The following DOCK5 variants were observed in gnomAD, a reference collection of about 807,000 sequenced individuals.
DOCK5 encodes the protein dedicator of cytokinesis 5.
DOCK5 carries 142 observed loss-of-function variants against 251.8 expected under a neutral mutation model. That is an observed-to-expected ratio of 0.56 (90% confidence interval 0.49 to 0.65). The LOEUF (loss-of-function observed/expected upper bound fraction) is 0.65. DOCK5 is among the 30% of genes least tolerant of loss of function. DOCK5 has a pLI of 0.00. For missense variants in DOCK5, 2,111 were observed against 2,312.3 expected, an observed-to-expected ratio of 0.91 and a Z score of 1.79; for synonymous variants, 842 against 835.5, an observed-to-expected ratio of 1.01 and a Z score of -0.13.
chr8:25,272,949 C>T (rs919945366), intron 3 of DOCK5, among the ~76,000 whole-genome samples: 1 of 152,116 alleles, frequency 6.6e-6, no homozygotes, highest in African/African-American at 2.4e-5. Context: ...TAAGTGGAGC[C>T]GTACAGTATT....
intron 2 of DOCK5, among the ~76,000 whole-genome samples, chr8:25,254,472 A>AT (rs1484381419): frequency 6.6e-6 from 1 of 152,086 alleles, no homozygotes; most frequent in Non-Finnish European, 1.5e-5. Flanking sequence ...ATGGAAGAAA[A>AT]TTTTGTAAAA....
intron 11 of DOCK5, among the ~76,000 whole-genome samples, chr8:25,307,778 C>T (rs1359328304): frequency 6.6e-6 from 1 of 152,174 alleles, no homozygotes; most frequent in Non-Finnish European, 1.5e-5. Flanking sequence ...CATTACTGCT[C>T]ACTGTGCAGC....
chr8:25,388,914 G>A (rs534013818), intron 40 of DOCK5, 177 bp from the exon 41 acceptor site: 139 of 597,018 alleles, frequency 2.3e-4, no homozygotes, highest in Non-Finnish European at 1.3e-4. Context: ...CCAATAAACC[G>A]CAGCTCTTGT....
chr8:25,255,669 C>T (rs991317762), intron 2 of DOCK5, among the ~76,000 whole-genome samples: 2 of 152,094 alleles, frequency 1.3e-5, no homozygotes, highest in African/African-American at 2.4e-5. Flanking sequence ...CCCAATGTAA[C>T]CTATGGACTT....
intron 1 of DOCK5, among the ~76,000 whole-genome samples, chr8:25,202,745 G>A (rs1017867985): frequency 6.6e-6 from 1 of 152,106 alleles, no homozygotes; most frequent in African/African-American, 2.4e-5. Context: ...CACAGTAAGA[G>A]GTTATCAACA....
intron 28 of DOCK5, among the ~76,000 whole-genome samples, chr8:25,360,132 T>C (rs1056311491): frequency 2.6e-5 from 4 of 152,248 alleles, no homozygotes; most frequent in African/African-American, 9.6e-5. Context: ...GCCTCTGTCA[T>C]GCTGAGTAGA....
rs1205742405 is a variant in DOCK5 at position 25,411,861 on chromosome 8, G to C, written c.*563G>C. ...AGGAAAAGAACACACATTTTTAATGGAGATTGGCTGCTTTCAGGTATGTGT... is the reference window on the plus strand; with the variant it reads ...AGGAAAAGAACACACATTTTTAATGCAGATTGGCTGCTTTCAGGTATGTGT... On this transcript the variant is annotated 3_prime_UTR_variant, in exon 52 of 52. Coordinates refer to ENST00000276440, the MANE Select transcript of DOCK5 (RefSeq NM_024940.8). 1 of 152,074 alleles carries C rather than the reference G, an allele frequency of 6.6e-6. No homozygotes were observed. Among genetic ancestry groups the C allele is most frequent in the African/African-American group, 2.4e-5 (1 of 41,390 alleles). The allele number at this position is 152,074 out of a possible 1,614,324, so 9.4% of individuals were successfully genotyped here.
intron 1 of DOCK5, among the ~76,000 whole-genome samples, chr8:25,236,594 T>C (rs1490923769): frequency 2.0e-5 from 3 of 152,134 alleles, no homozygotes; most frequent in Non-Finnish European, 4.4e-5. Context: ...TTTTTTATTT[T>C]TTTTGAAACA....
intron 26 of DOCK5, among the ~76,000 whole-genome samples, chr8:25,349,507 T>C (rs909743688): frequency 1.3e-5 from 2 of 152,200 alleles, no homozygotes; most frequent in African/African-American, 2.4e-5. Context: ...AGCAAAGATA[T>C]GAAACCCATC....
chr8:25,217,403 G>C (rs1802276139), intron 1 of DOCK5, among the ~76,000 whole-genome samples: 1 of 152,044 alleles, frequency 6.6e-6, no homozygotes, highest in Non-Finnish European at 1.5e-5. Flanking sequence ...GGGAACTGAA[G>C]TTAGGGGTTT....
At position 25,259,247 on chromosome 8, in the gene DOCK5, C is replaced by T. The variant is rs535096922; in HGVS notation, c.128-9598C>T. 2.4e-3 allele frequency among the ~76,000 whole-genome samples: 368 copies of T among 152,276 alleles called. 5 individuals are homozygous for T. The highest frequency in any genetic ancestry group is 0.021 in the Admixed American group (314 of 15,294). On this transcript the variant is annotated intron_variant, in intron 2 of 51. Coordinates refer to ENST00000276440, the MANE Select transcript of DOCK5 (RefSeq NM_024940.8). ...TGATAGAATTCCATGGCCAAGCTCACCTGACCTGAGGGGTGGCGCATTGAG... is the reference window on the plus strand; with the variant it reads ...TGATAGAATTCCATGGCCAAGCTCATCTGACCTGAGGGGTGGCGCATTGAG...
At chr8:25,243,865 A>C in intron 2 of DOCK5, 108 bp downstream of exon 2, 2 of 1,065,432 alleles carry the variant, frequency 1.9e-6, no homozygotes, top group Middle Eastern at 4.1e-4. Flanking sequence ...TTCCTGAAAC[A>C]GTGCTAGTAA....
At chr8:25,360,813 G>T (rs1800664325) in intron 28 of DOCK5, among the ~76,000 whole-genome samples, 1 of 152,068 alleles carries the variant, frequency 6.6e-6, no homozygotes, top group South Asian at 2.1e-4. Context: ...TCAGAGAGCA[G>T]GCAAAATAGG....
In DOCK5 at chr8:25,392,445, C is replaced by G. The variant is rs191348545; in HGVS notation, c.4441-351C>G. Among the ~76,000 whole-genome samples the G allele has an allele frequency of 4.6e-5, 7 of 152,288 alleles. No homozygotes were observed. In the East Asian group the frequency reaches 1.2e-3, roughly 25 times the overall value. ...TTACCTAGACAGCAAGTACTAATTACCTAGACAGCCAGCTGTCATCTCCAT... is the reference window on the plus strand; with the variant it reads ...TTACCTAGACAGCAAGTACTAATTAGCTAGACAGCCAGCTGTCATCTCCAT... On this transcript the variant is annotated intron_variant, in intron 43 of 51. Transcript: ENST00000276440.
rs137948132 is a variant in DOCK5 at position 25,308,828 on chromosome 8, G to A, written c.1095G>A (p.Ser365=). The A allele has an allele frequency of 4.0e-5, 64 of 1,613,730 alleles. No individual in the cohort carries two copies. The highest frequency in any genetic ancestry group is 2.9e-4 in the African/African-American group (22 of 74,900). Reference sequence around the variant, plus strand: ...TCCGCCAGAGGCAGCTCATCATGTCGCCTTTGATAACATCACACGTGATTG... The same window carrying A: ...TCCGCCAGAGGCAGCTCATCATGTCACCTTTGATAACATCACACGTGATTG... ...TYIRQRQLIM[S]PLITSHVIGE... The change falls in exon 12 of 52, where the codon TCG becomes TCA. Residue 365 remains serine (S), a synonymous_variant. Transcript: ENST00000276440.
chr8:25,247,030 G>A (rs1803135056), intron 2 of DOCK5, among the ~76,000 whole-genome samples: 1 of 151,838 alleles, frequency 6.6e-6, no homozygotes, highest in Admixed American at 6.6e-5. Context: ...GGGATTATAG[G>A]CATGTGCCAC....
chr8:25,268,927 T>C (rs753628706), intron 3 of DOCK5, 42 bp downstream of exon 3: 1 of 1,497,474 alleles, frequency 6.7e-7, no homozygotes, highest in Non-Finnish European at 9.0e-7. Flanking sequence ...TTGAAATCTG[T>C]CTGCTAGTTT....
rs763674372 is a variant in DOCK5, at chr8:25,410,187, G to A, written c.5493G>A (p.Gln1831=). The A allele has an allele frequency of 6.2e-7, 1 of 1,613,560 alleles. No individual in the cohort carries two copies. Among genetic ancestry groups the A allele is most frequent in the South Asian group, 1.1e-5 (1 of 91,000 alleles). ...PPKSKPYEGS[Q]RNSTELAPPL... ...AAAGCAAGCCCTATGAAGGCAGCCAGAGGAACTCCACTGAGGTAGGGAAAT... is the reference window on the plus strand; with the variant it reads ...AAAGCAAGCCCTATGAAGGCAGCCAAAGGAACTCCACTGAGGTAGGGAAAT... Residue 1831 remains glutamine, a synonymous_variant, in exon 51 of 52, where the codon CAG becomes CAA. Transcript: ENST00000276440.
intron 31 of DOCK5, among the ~76,000 whole-genome samples, chr8:25,367,817 G>C (rs1466735165): frequency 1.3e-5 from 2 of 152,134 alleles, no homozygotes; most frequent in Admixed American, 1.3e-4. Flanking sequence ...AAGTATATAA[G>C]TATTTAGTCA....
Sources: allele counts gnomAD v4.1 joint callset (sites outside exome capture counted in the v4.1 genomes callset), GRCh38; gene constraint gnomAD v4.1.1; transcripts MANE v1.5; gene names NCBI Gene and HGNC (gene_info 2026-07-23, HGNC 2026-07-21).